The following PCDH9 variants were observed in gnomAD, a reference collection of about 807,000 sequenced individuals.
The protein encoded by PCDH9 is protocadherin 9.
PCDH9 carries 24 observed loss-of-function variants against 70.6 expected under a neutral mutation model. The observed-to-expected ratio is 0.34, with a 90% CI of 0.25 to 0.48. The LOEUF (loss-of-function observed/expected upper bound fraction) is 0.48, where lower values mean the gene tolerates loss of function less well. PCDH9 is among the 20% of genes least tolerant of loss of function. The probability of loss-of-function intolerance (pLI) is 0.99; values close to 1 mark genes in which losing one functional copy is unlikely to be tolerated. For synonymous variants in PCDH9, 562 were observed against 558.5 expected, an observed-to-expected ratio of 1.01 and a Z score of -0.09; for missense variants, 1,281 against 1,503.6, an observed-to-expected ratio of 0.85 and a Z score of 2.45.
chr13:67,076,200 T>C (rs2085874631), intron 2 of PCDH9, among the ~76,000 whole-genome samples: 1 of 152,156 alleles, frequency 6.6e-6, no homozygotes, highest in South Asian at 2.1e-4. Flanking sequence ...TTACTGTTAT[T>C]ATTTCAGTTA....
chr13:66,925,479 C>T (rs997879000), intron 2 of PCDH9, among the ~76,000 whole-genome samples: 2 of 151,860 alleles, frequency 1.3e-5, no homozygotes, highest in African/African-American at 4.8e-5. Context: ...CTAAGTGACA[C>T]TAGAATATAA....
intron 2 of PCDH9, among the ~76,000 whole-genome samples, chr13:66,997,505 CTGTTT>C (rs58349093): frequency 0.021 from 2,977 of 144,386 alleles, 81 homozygotes; most frequent in African/African-American, 0.062. Context: ...CACTGGAGGT[CTGTTT>C]TGTTTTGTTT....
chr13:66,809,516 CTAAA>C (rs2080467109), intron 3 of PCDH9, among the ~76,000 whole-genome samples: 1 of 152,040 alleles, frequency 6.6e-6, no homozygotes, highest in South Asian at 2.1e-4. Context: ...TAGAGATAAA[CTAAA>C]TATGGTAGCA....
chr13:66,845,528 G>A lies in PCDH9; in HGVS notation c.3138+57976C>T, dbSNP rs574548099. The stretch of plus-strand genomic sequence containing the variant: ...TGCCTGGGTCCACAGCCATGGGTTG[G>A]GTGGCTATAGCTGCGACTGGGAAGT... On this transcript the variant is annotated intron_variant, in intron 3 of 4. Coordinates refer to ENST00000377865, the MANE Select transcript of PCDH9 (RefSeq NM_203487.3). 2.0e-5 allele frequency among the ~76,000 whole-genome samples: 3 copies of A among 152,320 alleles called. No homozygotes were observed. The South Asian group carries it at 6.2e-4, about 32-fold the overall frequency.
intron 2 of PCDH9, among the ~76,000 whole-genome samples, chr13:67,079,643 G>A (rs2085945437): frequency 6.6e-6 from 1 of 152,204 alleles, no homozygotes; most frequent in Non-Finnish European, 1.5e-5. Context: ...CTGCAAAGCT[G>A]TCTTTTGTGG....
intron 2 of PCDH9, among the ~76,000 whole-genome samples, chr13:67,074,104 ATCTATCTATCTATCTATCTG>A (rs1325152924): frequency 3.3e-5 from 5 of 151,116 alleles, no homozygotes; most frequent in Non-Finnish European, 3.0e-5. Context: ...TCTATTATCT[ATCTATCTATCTATCTATCTG>A]TCTATCTATC....
chr13:66,701,874 C>T (rs1233120798), intron 3 of PCDH9, among the ~76,000 whole-genome samples: 4 of 152,110 alleles, frequency 2.6e-5, no homozygotes, highest in African/African-American at 9.7e-5. Context: ...ATCCTGGTAA[C>T]ATTTCTTCTT....
chr13:67,150,790 C>T (rs1355981217), intron 2 of PCDH9, among the ~76,000 whole-genome samples: 2 of 152,158 alleles, frequency 1.3e-5, no homozygotes, highest in African/African-American at 4.8e-5. Context: ...TAGTGGTGTT[C>T]CCTAATCTAA....
chr13:66,704,423 C>G (rs1358010565), intron 3 of PCDH9, among the ~76,000 whole-genome samples: 1 of 152,028 alleles, frequency 6.6e-6, no homozygotes, highest in Non-Finnish European at 1.5e-5. Context: ...ACATTTTTGC[C>G]TTACATAGAC....
rs1477355981 is a variant in PCDH9 at position 66,923,274 on chromosome 13, A to G, written c.3037-19669T>C. Among the ~76,000 whole-genome samples, 3 of 151,568 alleles carry G rather than the reference A, an allele frequency of 2.0e-5. No homozygotes were observed. The Admixed American group carries it at 2.0e-4, about 10-fold the overall frequency. Reference sequence around the variant, plus strand: ...TATAATTGACACACATTTCATAGCTAATTATATGCACCAAATCTTGACTAT... The same window carrying G: ...TATAATTGACACACATTTCATAGCTGATTATATGCACCAAATCTTGACTAT... On this transcript the variant is annotated intron_variant, in intron 2 of 4. Transcript: ENST00000377865.
chr13:66,680,612 A>C (rs527519923), intron 3 of PCDH9, among the ~76,000 whole-genome samples: 40 of 152,058 alleles, frequency 2.6e-4, no homozygotes, highest in African/African-American at 7.9e-4. Context: ...TGCTGCTATA[A>C]AGTAAAATTG....
chr13:66,316,936 T>G (rs1356966819), intron 4 of PCDH9, among the ~76,000 whole-genome samples: 1 of 152,108 alleles, frequency 6.6e-6, no homozygotes, highest in Non-Finnish European at 1.5e-5. Flanking sequence ...TTGGTCAGAC[T>G]GGCTTTGACC....
In PCDH9 at chr13:67,225,241, T is replaced by A. The variant is rs967059121; in HGVS notation, c.3036+164A>T. On this transcript the variant is annotated intron_variant, in intron 2 of 4. Transcript: ENST00000377865. ...AGAAATTTCAAAGCTGTTCTAAAAATTCTTGACTGAGCCCCAGAGGAATAG... is the reference window on the plus strand; with the variant it reads ...AGAAATTTCAAAGCTGTTCTAAAAAATCTTGACTGAGCCCCAGAGGAATAG... 6 of 1,285,430 alleles carry A rather than the reference T, an allele frequency of 4.7e-6. No homozygotes were observed. In the African/African-American group the frequency reaches 6.0e-5, roughly 13 times the overall value. 79.6% of individuals were successfully genotyped at this position (1,285,430 alleles called of 1,614,324 possible).
chr13:66,929,315 T>C (rs2082768098), intron 2 of PCDH9, among the ~76,000 whole-genome samples: 1 of 151,608 alleles, frequency 6.6e-6, no homozygotes, highest in African/African-American at 2.4e-5. Context: ...TTTTAATTAT[T>C]AATTTTTAAT....
chr13:66,724,364 A>G, intron 3 of PCDH9, among the ~76,000 whole-genome samples: 1 of 152,188 alleles, frequency 6.6e-6, no homozygotes, highest in Admixed American at 6.5e-5. Flanking sequence ...CAGTCAGGAA[A>G]ACCATACCCC....
intron 4 of PCDH9, among the ~76,000 whole-genome samples, chr13:66,509,982 G>A (rs1224135773): frequency 6.6e-6 from 1 of 152,170 alleles, no homozygotes; most frequent in Non-Finnish European, 1.5e-5. Flanking sequence ...TCAAGGTAAG[G>A]AAATTTTAAA....
intron 2 of PCDH9, chr13:66,996,083 A>C (rs2084108534): frequency 6.6e-6 from 1 of 152,236 alleles, no homozygotes. Context: ...GGGAAGATAC[A>C]GTAAAGGAAA....
chr13:66,940,549 T>C (rs1341297587), intron 2 of PCDH9, among the ~76,000 whole-genome samples: 1 of 152,166 alleles, frequency 6.6e-6, no homozygotes. Context: ...TGAATTTGTG[T>C]AATCTATATC....
chr13:66,339,992 C>A (rs116830697), intron 4 of PCDH9, among the ~76,000 whole-genome samples: 2,479 of 152,248 alleles, frequency 0.016, 64 homozygotes, highest in African/African-American at 0.056. Flanking sequence ...CTGACATGAA[C>A]TTCCTCCTTT....
Sources: allele counts gnomAD v4.1 joint callset (sites outside exome capture counted in the v4.1 genomes callset), GRCh38; gene constraint gnomAD v4.1.1; transcripts MANE v1.5; gene names NCBI Gene and HGNC (gene_info 2026-07-23, HGNC 2026-07-21).